CD163L1: variants seen among roughly 807,000 people sequenced by gnomAD.
CD163L1 encodes scavenger receptor cysteine-rich type 1 protein M160.
In CD163L1, 124 loss-of-function variants were observed where a neutral mutation model predicts 165.4. The observed-to-expected ratio is 0.75, with a 90% CI of 0.65 to 0.87. The LOEUF is 0.87. Ranked by LOEUF, CD163L1 falls within the 40% of genes least tolerant of loss-of-function variation. CD163L1 has a pLI of 0.00. For synonymous variants in CD163L1, 585 were observed against 662.2 expected, an observed-to-expected ratio of 0.88 and a Z score of 1.79; for missense variants, 1,525 against 1,799.9, an observed-to-expected ratio of 0.85 and a Z score of 2.76.
chr12:7,405,091 A>C (rs1192474391), intron 5 of CD163L1, among the ~76,000 whole-genome samples: 1 of 152,070 alleles, frequency 6.6e-6, no homozygotes, highest in Non-Finnish European at 1.5e-5. Flanking sequence ...TTCCAACCTT[A>C]TTTTCACATC....
Position 7,403,572 on chromosome 12 carries a change from T to C in CD163L1, c.1371A>G (p.Thr457=), listed in dbSNP as rs1947954089. The change falls in exon 6 of 20, where the codon ACA becomes ACG. Residue 457 remains threonine, a synonymous_variant. Coordinates refer to ENST00000313599, the MANE Select transcript of CD163L1 (RefSeq NM_174941.6). ...CTCCAGCATCTGATCTTCGGAAGCA[T>C]GTTCGCTTTGCTTTTCCATCATATG... ...DCTYDGKAKR[T]CFRRSDAGVI... 1 of 1,613,782 alleles carries C rather than the reference T, an allele frequency of 6.2e-7. No individual in the cohort carries two copies. Among genetic ancestry groups the C allele is most frequent in the African/African-American group, 1.3e-5 (1 of 74,914 alleles).
intron 19 of CD163L1, among the ~76,000 whole-genome samples, chr12:7,355,848 CAGA>C (rs923226679): frequency 1.3e-5 from 2 of 152,088 alleles, no homozygotes; most frequent in African/African-American, 4.8e-5. Context: ...AAGGAGGCCT[CAGA>C]AGAAATCAAA....
intron 4 of CD163L1, among the ~76,000 whole-genome samples, chr12:7,429,472 T>C (rs937111021): frequency 6.6e-6 from 1 of 152,090 alleles, no homozygotes; most frequent in African/African-American, 2.4e-5. Context: ...GAATTTCCAG[T>C]GGGAATATCC....
intron 4 of CD163L1, among the ~76,000 whole-genome samples, chr12:7,407,119 T>C (rs1221290356): frequency 6.6e-6 from 1 of 152,132 alleles, no homozygotes; most frequent in Non-Finnish European, 1.5e-5. Flanking sequence ...TTTCTGATTG[T>C]GAATCACAAT....
intron 4 of CD163L1, among the ~76,000 whole-genome samples, chr12:7,429,731 C>T (rs1948598846): frequency 6.6e-6 from 1 of 152,238 alleles, no homozygotes; most frequent in African/African-American, 2.4e-5. Flanking sequence ...CATGTCTTAC[C>T]TGACCTCCTT....
At chr12:7,323,177 A>G in the CD163L1 span, 1 of 1,450,768 alleles carries the variant, frequency 6.9e-7, no homozygotes, top group Non-Finnish European at 9.4e-7. Flanking sequence ...CATTGCCATG[A>G]TATAGTTTCA....
At chr12:7,437,200 A>ATTTAAAAGTAT (rs1565820079) in intron 2 of CD163L1, among the ~76,000 whole-genome samples, 33 of 144,904 alleles carry the variant, frequency 2.3e-4, no homozygotes, top group African/African-American at 8.1e-4. Context: ...TTTTAATAGT[A>ATTTAAAAGTAT]TTACTTTTTT....
chr12:7,332,167 G>T, the CD163L1 span, among the ~76,000 whole-genome samples: 17 of 152,154 alleles, frequency 1.1e-4, no homozygotes, highest in African/African-American at 1.7e-4. Context: ...ACAATCAACT[G>T]GAAGAAAGGG....
At chr12:7,349,682 AGCCACTTGTACTAT>A (rs1483904093) in intron 4 of CD163L1, among the ~76,000 whole-genome samples, 1 of 152,214 alleles carries the variant, frequency 6.6e-6, no homozygotes, top group Admixed American at 6.5e-5. Context: ...GTGTATCCTC[AGCCACTTGTACTAT>A]GCTTTGGGCA....
At chr12:7,402,919 C>T (rs1370995740) in intron 6 of CD163L1, among the ~76,000 whole-genome samples, 2 of 152,086 alleles carry the variant, frequency 1.3e-5, no homozygotes, top group African/African-American at 4.8e-5. Context: ...AGGTGTGAGC[C>T]ACTGCACCTA....
chr12:7,374,124 A>T lies in CD163L1; in HGVS notation c.3409+318T>A, dbSNP rs1947202277. Among the ~76,000 whole-genome samples, 1 of 152,162 alleles carries T rather than the reference A, an allele frequency of 6.6e-6. No individual in the cohort carries two copies. The highest frequency in any genetic ancestry group is 1.5e-5 in the Non-Finnish European group (1 of 68,020). ...AAAATAAAACAAAACAAAACAACAA[A>T]ATAAGGCAGATTGGACACGGTTGAC... On this transcript the variant is annotated intron_variant, in intron 13 of 19. Coordinates refer to ENST00000313599, the MANE Select transcript of CD163L1 (RefSeq NM_174941.6). This position sits in a 1 kb window ranked among gnomAD's most constrained non-coding sequence, Gnocchi z 5.4.
downstream of CD163L1, among the ~76,000 whole-genome samples, chr12:7,353,737 T>C (rs1946725474): frequency 6.6e-6 from 1 of 152,098 alleles, no homozygotes; most frequent in South Asian, 2.1e-4. Flanking sequence ...GACTTTTTCA[T>C]ATTTATTATT....
chr12:7,397,724 T>C (rs189793253), intron 7 of CD163L1, among the ~76,000 whole-genome samples: 1 of 152,236 alleles, frequency 6.6e-6, no homozygotes, highest in African/African-American at 2.4e-5. Context: ...CCCAGCAGGC[T>C]CCAAAATGTG....
rs1947823139 is a variant in CD163L1, at chr12:7,398,412, A to G, written c.1581T>C (p.Gly527=). 6.2e-7 allele frequency: 1 copy of G among 1,614,164 alleles called. No individual in the cohort carries two copies. Residue 527 remains glycine (G), a synonymous_variant, in exon 7 of 20, where the codon GGT becomes GGC. Coordinates refer to ENST00000313599, the MANE Select transcript of CD163L1 (RefSeq NM_174941.6). This position sits in a 1 kb window ranked among gnomAD's most constrained non-coding sequence, Gnocchi z 4.5. The part of the protein sequence containing the change: ...LGCGKPLHVF[G]MTYFKEASGP... The stretch of plus-strand genomic sequence containing the variant: ...CTGATGCTTCTTTAAAATAGGTCAT[A>G]CCAAACACATGCAAAGGCTTTCCAC...
intron 1 of CD163L1, among the ~76,000 whole-genome samples, chr12:7,443,025 A>C (rs1948849495): frequency 6.6e-6 from 1 of 152,334 alleles, no homozygotes; most frequent in East Asian, 1.9e-4. Context: ...AATTAGATAC[A>C]TGGCAGACAG....
chr12:7,428,693 A>G (rs1948583458), intron 4 of CD163L1, among the ~76,000 whole-genome samples: 1 of 152,060 alleles, frequency 6.6e-6, no homozygotes, highest in Non-Finnish European at 1.5e-5. Flanking sequence ...CCTATAAACC[A>G]TGCTCATCAT....
rs6488269 is a variant in CD163L1 at position 7,398,454 on chromosome 12, A to C, written c.1539T>G (p.Val513=). ...GCTTTCCACATCCCAATTGTTTACA[A>C]ACAACAGCTGCATTCCTTGTGCTCC... ...DRWSTRNAAV[V]CKQLGCGKPL... The change falls in exon 7 of 20, where the codon GTT becomes GTG. Residue 513 remains valine, a synonymous_variant. Coordinates refer to ENST00000313599, the MANE Select transcript of CD163L1 (RefSeq NM_174941.6). This position sits in a 1 kb window ranked among gnomAD's most constrained non-coding sequence, Gnocchi z 4.5. 1 allele frequency: 1,612,108 copies of C among 1,614,180 alleles called. 805,041 individuals carry two copies. Among genetic ancestry groups the C allele is most frequent in the East Asian group, 1 (44,874 of 44,874 alleles).
At chr12:7,338,632 A>G in the CD163L1 span, among the ~76,000 whole-genome samples, 2 of 152,114 alleles carry the variant, frequency 1.3e-5, no homozygotes, top group Non-Finnish European at 2.9e-5. Flanking sequence ...TCTGTCTAGT[A>G]ACCTACCTTC....
At chr12:7,434,706 AAGAG>A (rs10537937) in intron 2 of CD163L1, among the ~76,000 whole-genome samples, 18,641 of 151,910 alleles carry the variant, frequency 0.12, 1,631 homozygotes, top group African/African-American at 0.24. Context: ...AAGAGACAGA[AAGAG>A]AGAGAGACAG....
Sources: gnomAD v4.1 joint callset for allele counts (sites outside exome capture counted in the v4.1 genomes callset) on GRCh38, gnomAD v4.1.1 for gene constraint, Gnocchi (gnomAD v3.1) non-coding constraint, MANE v1.5 for transcripts, NCBI Gene and HGNC (gene_info 2026-07-23, HGNC 2026-07-21) for gene names.